NBAS: variants seen among roughly 807,000 people sequenced by gnomAD.
The protein encoded by NBAS is NAG/BC035112 fusion.
NBAS carries 219 observed loss-of-function variants against 302.5 expected under a neutral mutation model. That is an observed-to-expected ratio of 0.72 (90% CI 0.65 to 0.81). The LOEUF (loss-of-function observed/expected upper bound fraction) is 0.81, where lower values mean the gene tolerates loss of function less well. Among genes scored for constraint, NBAS ranks in the 30% least tolerant of loss-of-function variants. The pLI is 0.00. For synonymous variants in NBAS, 1,118 were observed against 1,021.6 expected (o/e 1.09, Z -1.80); for missense variants, 2,932 against 2,841.6 (o/e 1.03, Z -0.72).
At chr2:15,346,328 C>A (rs961630650) in intron 35 of NBAS, among the ~76,000 whole-genome samples, 3 of 151,978 alleles carry the variant, frequency 2.0e-5, no homozygotes, top group Non-Finnish European at 4.4e-5. Flanking sequence ...ACAACCCCAT[C>A]AAAAAGTGGG....
At chr2:14,979,636 AT>A in the NBAS span, among the ~76,000 whole-genome samples, 1 of 152,210 alleles carries the variant, frequency 6.6e-6, no homozygotes, top group Non-Finnish European at 1.5e-5. Flanking sequence ...ACTAGTCTAC[AT>A]AAGACCAAGT....
chr2:15,340,532 A>G (rs1438031112), intron 35 of NBAS, among the ~76,000 whole-genome samples: 1 of 152,130 alleles, frequency 6.6e-6, no homozygotes, highest in Non-Finnish European at 1.5e-5. Flanking sequence ...TTAACTATAG[A>G]TGTTAGGTTG....
chr2:15,067,472 G>A, the NBAS span, among the ~76,000 whole-genome samples: 1 of 138,960 alleles, frequency 7.2e-6, no homozygotes, highest in Non-Finnish European at 1.6e-5. Context: ...GGGGAGAGGA[G>A]GGGAGAGGAG....
chr2:14,860,711 G>A, the NBAS span, among the ~76,000 whole-genome samples: 2,690 of 152,222 alleles, frequency 0.018, 96 homozygotes, highest in African/African-American at 0.06. Context: ...AAGGATGAAG[G>A]GAGGGTGATT....
At chr2:15,087,719 T>C in the NBAS span, among the ~76,000 whole-genome samples, 6 of 152,288 alleles carry the variant, frequency 3.9e-5, no homozygotes, top group Middle Eastern at 3.4e-3. Flanking sequence ...CGGTGAGAAA[T>C]TGATGAAAGC....
rs749932352 is a variant in NBAS, at chr2:15,296,788, T to C, written c.4798-4022A>G. 2.6e-5 allele frequency among the ~76,000 whole-genome samples: 4 copies of C among 152,232 alleles called. No individual in the cohort carries two copies. The South Asian group carries it at 6.2e-4, about 24-fold the overall frequency. ...CAGGAGTTCAAGCTGCAGTGAGCTA[T>C]GATCACACCACTGTTCTCCAGCCTG... On this transcript the variant is annotated intron_variant, in intron 40 of 51. Transcript: ENST00000281513.
At chr2:15,515,081 G>A (rs1054528022) in intron 9 of NBAS, among the ~76,000 whole-genome samples, 17 of 152,268 alleles carry the variant, frequency 1.1e-4, no homozygotes, top group South Asian at 2.1e-4. Context: ...AAGTAGGCAC[G>A]GGTCCTCAGG....
chr2:14,987,842 C>T, the NBAS span, among the ~76,000 whole-genome samples: 217 of 152,094 alleles, frequency 1.4e-3, no homozygotes, highest in Middle Eastern at 3.4e-3. Context: ...AAATATATTT[C>T]GGTATATATT....
chr2:15,275,240 T>A (rs974602840), intron 44 of NBAS, among the ~76,000 whole-genome samples: 1 of 152,194 alleles, frequency 6.6e-6, no homozygotes, highest in Admixed American at 6.5e-5. Context: ...AACTGTAACA[T>A]GTACTAAGTA....
At chr2:14,934,679 T>A in the NBAS span, among the ~76,000 whole-genome samples, 9 of 152,328 alleles carry the variant, frequency 5.9e-5, no homozygotes, top group East Asian at 1.7e-3. Context: ...AATTTCTTTT[T>A]TAGTCTGCTA....
At chr2:15,069,177 T>C in the NBAS span, among the ~76,000 whole-genome samples, 1 of 152,318 alleles carries the variant, frequency 6.6e-6, no homozygotes, top group South Asian at 2.1e-4. Context: ...ACGTGACTTT[T>C]GGAGGGGACA....
chr2:15,028,576 C>T, the NBAS span, among the ~76,000 whole-genome samples: 1 of 152,192 alleles, frequency 6.6e-6, no homozygotes, highest in African/African-American at 2.4e-5. Flanking sequence ...ATTCCCTGAC[C>T]TATGAGGCCC....
At position 15,474,078 on chromosome 2, in the gene NBAS, A is replaced by G. The variant is rs1680078139; in HGVS notation, c.1588T>C (p.Tyr530His). The G allele has an allele frequency of 6.2e-7, 1 of 1,614,180 alleles. No individual in the cohort carries two copies. The highest frequency in any genetic ancestry group is 8.5e-7 in the Non-Finnish European group (1 of 1,180,022). ...SLRSTTPEEL[Y>H]QRKIESEEYE... Reference sequence around the variant, plus strand: ...TGCTACTCTCTCACCTTCCTCTGATAAAGTTCCTCTGGTGTCGTGGAGCGC... The same window carrying G: ...TGCTACTCTCTCACCTTCCTCTGATGAAGTTCCTCTGGTGTCGTGGAGCGC... Residue 530 changes from tyrosine (Y) to histidine (H), a missense_variant, in exon 15 of 52, where the codon TAT (tyrosine) becomes CAT (histidine). By Grantham distance (83) the Tyr-to-His change is moderately conservative. Coordinates refer to ENST00000281513, the MANE Select transcript of NBAS (RefSeq NM_015909.4).
intron 26 of NBAS, among the ~76,000 whole-genome samples, chr2:15,399,569 C>T (rs1468234161): frequency 3.3e-5 from 5 of 151,906 alleles, no homozygotes; most frequent in Non-Finnish European, 5.9e-5. Context: ...TGTTCAGGTA[C>T]AGGTCTGAAT....
rs1455212150 is a variant in NBAS, at chr2:15,528,877, A to AT, written c.746+5665_746+5666insA. 2.9e-3 allele frequency among the ~76,000 whole-genome samples: 374 copies of AT among 128,756 alleles called. 8 individuals are homozygous for AT. The East Asian group carries it at 0.057, about 20-fold the overall frequency. 84.5% of individuals were successfully genotyped at this position (128,756 alleles called of 152,430 possible). ...GTGAGACTCCATCTCAAAAAAAAAA[A>AT]AATATATATATATATATATATGTGT... On this transcript the variant is annotated intron_variant, in intron 9 of 51. Transcript: ENST00000281513.
rs139356307 is a variant in NBAS at position 15,336,586 on chromosome 2, C to T, written c.4180-5821G>A. 5.2e-3 allele frequency among the ~76,000 whole-genome samples: 795 copies of T among 152,110 alleles called. 6 individuals are homozygous for T. Among genetic ancestry groups the T allele is most frequent in the African/African-American group, 0.018 (754 of 41,492 alleles). On this transcript the variant is annotated intron_variant, in intron 35 of 51. Coordinates refer to ENST00000281513, the MANE Select transcript of NBAS (RefSeq NM_015909.4). ...TCTCTACTAAAAACACAAAATTAGCCGGGTGTGGTGGCACACACCACTAAT... is the reference window on the plus strand; with the variant it reads ...TCTCTACTAAAAACACAAAATTAGCTGGGTGTGGTGGCACACACCACTAAT...
chr2:15,060,204 T>G, the NBAS span, among the ~76,000 whole-genome samples: 3 of 152,084 alleles, frequency 2.0e-5, no homozygotes, highest in Non-Finnish European at 2.9e-5. Flanking sequence ...TGGAAAAGCA[T>G]AAAATGAGAT....
chr2:15,177,876 A>G, intron 51 of NBAS: 1 of 268,696 alleles, frequency 3.7e-6, no homozygotes. Flanking sequence ...ATTGGTGATC[A>G]GGTACGGTAT....
the NBAS span, among the ~76,000 whole-genome samples, chr2:15,112,063 T>C: frequency 6.6e-6 from 1 of 150,838 alleles, no homozygotes; most frequent in Non-Finnish European, 1.5e-5. Context: ...TGAAAGAAAA[T>C]AAAGAGTAGC....
Sources: gnomAD v4.1 joint callset for allele counts (sites outside exome capture counted in the v4.1 genomes callset) on GRCh38, gnomAD v4.1.1 for gene constraint, MANE v1.5 for transcripts, NCBI Gene and HGNC (gene_info 2026-07-23, HGNC 2026-07-21) for gene names.